Variants in SLC7A7 observed in about 807,000 individuals in gnomAD.
The protein encoded by SLC7A7 is Y+L amino acid transporter 1.
Under a neutral mutation model 47.9 loss-of-function variants are expected in SLC7A7, and 39 were observed. That is an observed-to-expected ratio of 0.81 (90% CI 0.63 to 1.06). SLC7A7 has a LOEUF of 1.06. Among genes scored for constraint, SLC7A7 ranks in the 50% least tolerant of loss-of-function variants. The pLI is 0.00. For synonymous variants in SLC7A7, 234 were observed against 242.8 expected (o/e 0.96, Z 0.34); for missense variants, 588 against 632.0 (o/e 0.93, Z 0.75).
At chr14:22,788,331 A>G (rs1566448941) in intron 2 of SLC7A7, among the ~76,000 whole-genome samples, 1 of 152,202 alleles carries the variant, frequency 6.6e-6, no homozygotes, top group East Asian at 1.9e-4. Flanking sequence ...ATTAGTATAT[A>G]TTTATGTAGA....
intron 2 of SLC7A7, among the ~76,000 whole-genome samples, chr14:22,786,048 C>A (rs2038810741): frequency 2.1e-5 from 3 of 144,074 alleles, no homozygotes; most frequent in African/African-American, 7.7e-5. Flanking sequence ...AAGCCAGGTG[C>A]AGTGGCTCAC....
At chr14:22,781,537 C>A (rs913938716) in intron 2 of SLC7A7, among the ~76,000 whole-genome samples, 2 of 152,136 alleles carry the variant, frequency 1.3e-5, no homozygotes, top group East Asian at 3.8e-4. Context: ...CAAAAATGTA[C>A]CCACAGCTCC....
At chr14:22,795,427 TTTCTTTC>T (rs2039002074) in intron 2 of SLC7A7, among the ~76,000 whole-genome samples, 5 of 139,390 alleles carry the variant, frequency 3.6e-5, no homozygotes, top group Admixed American at 1.6e-4. Context: ...TCTTTCTTTC[TTTCTTTC>T]TTTCTTTCTT....
chr14:22,797,405 C>G (rs1210886248), intron 2 of SLC7A7, among the ~76,000 whole-genome samples: 1 of 152,226 alleles, frequency 6.6e-6, no homozygotes, highest in Non-Finnish European at 1.5e-5. Context: ...AATTCCTTCA[C>G]TCACTCACTC....
Position 22,778,936 on chromosome 14 carries a change from T to A in SLC7A7, c.627A>T (p.Gly209=). The change falls in exon 4 of 10, where the codon GGA becomes GGT. Residue 209 remains glycine, a splice_region_variant and synonymous_variant. Coordinates refer to ENST00000674313, the MANE Select transcript of SLC7A7 (RefSeq NM_003982.4). ...AGGAATTCTCAAAATGAGTAGAGGC[T>A]CCTGGAACCCAAGAACATTGGAAGG... ...IVAGIVRLGQ[G]ASTHFENSFE... The A allele has an allele frequency of 6.2e-7, 1 of 1,613,918 alleles. No individual in the cohort carries two copies.
chr14:22,774,317 T>C, intron 8 of SLC7A7, 37 bp downstream of exon 8: 2 of 1,613,662 alleles, frequency 1.2e-6, no homozygotes. Context: ...ACTCCAGCTG[T>C]TTCAGGTGGA....
chr14:22,774,045 A>G lies in SLC7A7; in HGVS notation c.1317T>C (p.Asp439=), dbSNP rs1323169057. The part of the protein sequence containing the change: ...IFLVAVPLYS[D]TINSLIGIAI... ...CAATGCCGATGAGGGAGTTGATAGT[A>G]TCACTGTAAAGTGGAACAGCCACCA... The change falls in exon 9 of 10, where the codon GAT becomes GAC. Residue 439 remains aspartate, a synonymous_variant. Transcript: ENST00000674313. The G allele has an allele frequency of 6.2e-7, 1 of 1,614,084 alleles. No homozygotes were observed. Among genetic ancestry groups the G allele is most frequent in the African/African-American group, 1.3e-5 (1 of 74,934 alleles).
At chr14:22,792,899 G>GAGAGAGAGAGA (rs1555323625) in intron 2 of SLC7A7, among the ~76,000 whole-genome samples, 1 of 129,528 alleles carries the variant, frequency 7.7e-6, no homozygotes, top group Non-Finnish European at 1.7e-5. Context: ...GAGAGAGAAA[G>GAGAGAGAGAGA]GAAAAGAAAA....
chr14:22,802,805 G>C (rs1034657635), intron 2 of SLC7A7, among the ~76,000 whole-genome samples: 2 of 152,038 alleles, frequency 1.3e-5, no homozygotes, highest in Admixed American at 6.6e-5. Flanking sequence ...CATATGCTTT[G>C]AATAAATTCT....
intron 2 of SLC7A7, among the ~76,000 whole-genome samples, chr14:22,790,570 CCT>C (rs147899606): frequency 0.015 from 2,271 of 152,192 alleles, 63 homozygotes; most frequent in African/African-American, 0.052. Context: ...CAAGTATGTA[CCT>C]CTCTCTTTAA....
In SLC7A7 at chr14:22,812,977, T is replaced by G. The variant is rs553743160; in HGVS notation, c.422A>C (p.Asn141Thr). The change falls in exon 2 of 10, where the codon AAC becomes ACC. Residue 141 changes from asparagine to threonine, a missense_variant. Coordinates refer to ENST00000674313, the MANE Select transcript of SLC7A7 (RefSeq NM_003982.4). ...CGGGAAGAGAGGCTGTACCATGTAGTTGGCAAAGGTGATGGCAATGATGGC... is the reference window on the plus strand; with the variant it reads ...CGGGAAGAGAGGCTGTACCATGTAGGTGGCAAAGGTGATGGCAATGATGGC... ...SQAIIAITFA[N>T]YMVQPLFPSC... 5.0e-6 allele frequency: 8 copies of G among 1,613,896 alleles called. No homozygotes were observed. In the South Asian group the frequency reaches 7.7e-5, roughly 16 times the overall value.
chr14:22,795,761 C>A (rs2039011973), intron 2 of SLC7A7, among the ~76,000 whole-genome samples: 1 of 152,114 alleles, frequency 6.6e-6, no homozygotes, highest in African/African-American at 2.4e-5. Flanking sequence ...GCGTGAGCCA[C>A]CGTGCCCGGC....
At chr14:22,795,715 TG>T (rs778568545) in intron 2 of SLC7A7, among the ~76,000 whole-genome samples, 18 of 150,806 alleles carry the variant, frequency 1.2e-4, no homozygotes, top group East Asian at 6.1e-4. Context: ...CCTTGTGATC[TG>T]CCCGCCTCGG....
At chr14:22,790,468 TACTG>T (rs1285828734) in intron 2 of SLC7A7, among the ~76,000 whole-genome samples, 1 of 152,010 alleles carries the variant, frequency 6.6e-6, no homozygotes, top group Non-Finnish European at 1.5e-5. Context: ...GATCTTGGTG[TACTG>T]AAATTTCCCT....
chr14:22,819,136 A>G (rs190605201), upstream of SLC7A7, among the ~76,000 whole-genome samples: 581 of 152,152 alleles, frequency 3.8e-3, 8 homozygotes, highest in African/African-American at 0.014. Flanking sequence ...CCAAAACACA[A>G]TTTCTCCAGG....
chr14:22,776,073 C>G, intron 5 of SLC7A7, 122 bp downstream of exon 5: 1 of 1,490,580 alleles, frequency 6.7e-7, no homozygotes, highest in Non-Finnish European at 9.4e-7. Context: ...TTCTTGCAAG[C>G]CCGGTATTCT....
rs45479698 is a variant in SLC7A7 at position 22,813,303 on chromosome 14, C to T, written c.96G>A (p.Lys32=). Residue 32 remains lysine (K), a synonymous_variant, in exon 2 of 10, where the codon AAG becomes AAA. Transcript: ENST00000674313. ...TAAGCAGTGAGATCTCCTTCTTCAG[C>T]TTCACCTGCTCCGGCCCTGGGCTGG... ...DGASPGPEQV[K]LKKEISLLNG... is the part of the protein sequence containing the mutation. 0.012 allele frequency: 18,693 copies of T among 1,614,204 alleles called. 133 individuals carry two copies. The highest frequency in any genetic ancestry group is 0.013 in the Non-Finnish European group (15,856 of 1,180,030).
chr14:22,813,852 G>A (rs1380531566), intron 1 of SLC7A7, among the ~76,000 whole-genome samples: 60 of 145,736 alleles, frequency 4.1e-4, no homozygotes, highest in African/African-American at 1.3e-3. Flanking sequence ...GTGCAATGGC[G>A]CGATCTCAGC....
chr14:22,815,177 A>G, intron 1 of SLC7A7, 143 bp downstream of exon 1: 1 of 358,706 alleles, frequency 2.8e-6, no homozygotes, highest in South Asian at 2.1e-5. Context: ...AGCTGAGAGG[A>G]AAATGGGAGA....
Sources: allele counts gnomAD v4.1 joint callset (sites outside exome capture counted in the v4.1 genomes callset), GRCh38; gene constraint gnomAD v4.1.1; transcripts MANE v1.5; gene names NCBI Gene and HGNC (gene_info 2026-07-23, HGNC 2026-07-21).